Variants in AJAP1 observed in about 807,000 individuals in gnomAD.
AJAP1 encodes adherens junctions associated protein 1.
In AJAP1, 5 loss-of-function variants were observed where a neutral mutation model predicts 35.0. That is an observed-to-expected ratio of 0.14 (90% CI 0.07 to 0.30). The LOEUF (loss-of-function observed/expected upper bound fraction) is 0.30, where lower values mean the gene tolerates loss of function less well. Ranked by LOEUF, AJAP1 falls within the 10% of genes least tolerant of loss-of-function variation. The pLI, the probability that AJAP1 is intolerant of heterozygous loss-of-function variation, is 1.00. For synonymous variants in AJAP1, 284 were observed against 249.3 expected (o/e 1.14, Z -1.31); for missense variants, 586 against 571.0 (o/e 1.03, Z -0.27).
rs753094718 is a variant in AJAP1 at position 4,772,263 on chromosome 1, A to G, written c.918-17A>G. On this transcript the variant is annotated splice_polypyrimidine_tract_variant and intron_variant, in intron 3 of 5. Transcript: ENST00000378191. ...GGCCTCTGCCCGTCCCCCTACCCCA[A>G]ACTCTTTCTCTTCCAGCTGTGCCCA... 1.2e-6 allele frequency: 2 copies of G among 1,613,372 alleles called. No individual in the cohort carries two copies. The highest frequency in any genetic ancestry group is 1.7e-6 in the Non-Finnish European group (2 of 1,179,508).
At chr1:4,747,130 A>G (rs1641206008) in intron 2 of AJAP1, among the ~76,000 whole-genome samples, 1 of 152,142 alleles carries the variant, frequency 6.6e-6, no homozygotes, top group Non-Finnish European at 1.5e-5. Context: ...AAAGGGAGAG[A>G]AGGAGAGGAA....
At chr1:4,659,539 T>G (rs947197053) in intron 1 of AJAP1, among the ~76,000 whole-genome samples, 10 of 152,162 alleles carry the variant, frequency 6.6e-5, no homozygotes, top group Non-Finnish European at 8.8e-5. Context: ...TTAATCTGCC[T>G]TGAATAGAGA....
Position 4,787,325 on chromosome 1 carries a change from G to A in AJAP1, c.*4840G>A, listed in dbSNP as rs1310265032. On this transcript the variant is annotated 3_prime_UTR_variant, in exon 6 of 6. Coordinates refer to ENST00000378191, the MANE Select transcript of AJAP1 (RefSeq NM_018836.4). ...GCAGAGTGATGGGGCTGGGGGCAGA[G>A]AAGGAGAGAGGGGAAGAGGGAGAGA... is the stretch of plus-strand genomic sequence containing the variant. The A allele has an allele frequency of 9.1e-6, 2 of 219,934 alleles. No homozygotes were observed. The highest frequency in any genetic ancestry group is 9.2e-6 in the Non-Finnish European group (1 of 108,814). The allele number at this position is 219,934 out of a possible 1,614,324, so 13.6% of individuals were successfully genotyped here.
intron 2 of AJAP1, among the ~76,000 whole-genome samples, chr1:4,726,201 T>C (rs1292488787): frequency 6.6e-6 from 1 of 152,068 alleles, no homozygotes; most frequent in East Asian, 1.9e-4. Context: ...GGGCAGGCCC[T>C]GAATCCTAGA....
intron 1 of AJAP1, among the ~76,000 whole-genome samples, chr1:4,683,347 T>C (rs1161443793): frequency 6.6e-6 from 1 of 152,216 alleles, no homozygotes; most frequent in Non-Finnish European, 1.5e-5. Context: ...GGAAGCCTTG[T>C]TAAAATACAG....
intron 1 of AJAP1, among the ~76,000 whole-genome samples, chr1:4,701,795 C>T (rs1639994641): frequency 6.6e-6 from 1 of 152,156 alleles, no homozygotes; most frequent in Admixed American, 6.5e-5. Context: ...GGAGGGGCCA[C>T]GTGGTTCACG....
chr1:4,721,432 C>T (rs1335158494), intron 2 of AJAP1, among the ~76,000 whole-genome samples: 1 of 152,230 alleles, frequency 6.6e-6, no homozygotes, highest in African/African-American at 2.4e-5. Context: ...TCTAGAAGCT[C>T]CAGAGGGTCC....
intron 1 of AJAP1, among the ~76,000 whole-genome samples, chr1:4,689,669 C>G (rs958348432): frequency 6.6e-6 from 1 of 152,226 alleles, no homozygotes; most frequent in African/African-American, 2.4e-5. Context: ...TGAAACACAG[C>G]TTTCGGGGTT....
rs543675283 is a variant in AJAP1, at chr1:4,656,248, C to A, written c.29+794C>A. 6.6e-6 allele frequency among the ~76,000 whole-genome samples: 1 copy of A among 152,176 alleles called. No homozygotes were observed. ...GACCCTTCTCGGCAAACTTTGCCAG[C>A]CCGCCGGGGTTCTCGGGCTTCTCTG... is the stretch of plus-strand genomic sequence containing the variant. On this transcript the variant is annotated intron_variant, in intron 1 of 5. Coordinates refer to ENST00000378191, the MANE Select transcript of AJAP1 (RefSeq NM_018836.4). This position sits in a 1 kb window ranked among gnomAD's most constrained non-coding sequence, Gnocchi z 5.7.
chr1:4,700,683 T>G (rs1406098731), intron 1 of AJAP1, among the ~76,000 whole-genome samples: 1 of 152,098 alleles, frequency 6.6e-6, no homozygotes, highest in Non-Finnish European at 1.5e-5. Flanking sequence ...GGGGGCCCAG[T>G]CTGGGAACTT....
chr1:4,757,088 G>A (rs1470979906), intron 2 of AJAP1, among the ~76,000 whole-genome samples: 4 of 152,196 alleles, frequency 2.6e-5, no homozygotes, highest in Non-Finnish European at 4.4e-5. Context: ...AAGGGAGCCC[G>A]AGCGAGGCTG....
rs171380 is a variant in AJAP1, at chr1:4,692,218, A to G, written c.30-19682A>G. Among the ~76,000 whole-genome samples the G allele has an allele frequency of 0.23, 34,818 of 152,086 alleles. 4,208 individuals carry two copies. The highest frequency in any genetic ancestry group is 0.26 in the Non-Finnish European group (17,380 of 67,968). The stretch of plus-strand genomic sequence containing the variant: ...CACAGAGGCACTCACTGTGCCAGGC[A>G]GGCTCCTGCTGCTGCCTCCCGCCGC... On this transcript the variant is annotated intron_variant, in intron 1 of 5. Transcript: ENST00000378191. This position sits in a 1 kb window ranked among gnomAD's most constrained non-coding sequence, Gnocchi z 4.4.
intron 2 of AJAP1, among the ~76,000 whole-genome samples, chr1:4,766,945 G>C (rs1012743694): frequency 6.6e-6 from 1 of 152,088 alleles, no homozygotes; most frequent in Non-Finnish European, 1.5e-5. Flanking sequence ...TAGGTGCATC[G>C]AGGGATCCTG....
chr1:4,703,900 C>T (rs1354877403), intron 1 of AJAP1, among the ~76,000 whole-genome samples: 5 of 152,214 alleles, frequency 3.3e-5, no homozygotes, highest in African/African-American at 1.2e-4. Flanking sequence ...TCCCCGAGCT[C>T]CCTGGGCTAG....
At chr1:4,658,491 G>T (rs3947662) in intron 1 of AJAP1, among the ~76,000 whole-genome samples, 29,215 of 152,176 alleles carry the variant, frequency 0.19, 2,971 homozygotes, top group Admixed American at 0.24. Flanking sequence ...CAAACATTGC[G>T]CTCCGGGTGA....
intron 2 of AJAP1, among the ~76,000 whole-genome samples, chr1:4,758,297 G>A (rs889989456): frequency 6.6e-6 from 1 of 152,176 alleles, no homozygotes; most frequent in Non-Finnish European, 1.5e-5. Flanking sequence ...TGAGAAAGAA[G>A]CATCAGGGGC....
rs3766968 is a variant in AJAP1, at chr1:4,746,634, G to A, written c.830-23219G>A. On this transcript the variant is annotated intron_variant, in intron 2 of 5. Transcript: ENST00000378191. ...CTAAGGCTAATTTTGTACCATGACC[G>A]AAAATACGTTTTAGGGCTTACAATG... 5.3e-4 allele frequency among the ~76,000 whole-genome samples: 80 copies of A among 152,306 alleles called. No individual in the cohort carries two copies. The East Asian group carries it at 0.013, about 24-fold the overall frequency.
intron 1 of AJAP1, among the ~76,000 whole-genome samples, chr1:4,661,828 G>T (rs1169459479): frequency 2.0e-5 from 3 of 152,170 alleles, no homozygotes; most frequent in Non-Finnish European, 4.4e-5. Flanking sequence ...TTGCAGCACA[G>T]AATTAATGAA....
intron 1 of AJAP1, among the ~76,000 whole-genome samples, chr1:4,699,305 A>G (rs935443693): frequency 1.3e-5 from 2 of 152,036 alleles, no homozygotes; most frequent in Non-Finnish European, 2.9e-5. Flanking sequence ...CTAGAAACCC[A>G]CGGAACAGCC....
Sources: allele counts gnomAD v4.1 joint callset (sites outside exome capture counted in the v4.1 genomes callset), GRCh38; gene constraint gnomAD v4.1.1; non-coding constraint Gnocchi (gnomAD v3.1); transcripts MANE v1.5; gene names NCBI Gene and HGNC (gene_info 2026-07-23, HGNC 2026-07-21).